Variants in PCDHGA2 observed in about 807,000 individuals in gnomAD.
PCDHGA2 encodes the protein protocadherin gamma-A2.
Under a neutral mutation model 59.2 loss-of-function variants are expected in PCDHGA2, and 40 were observed. The ratio of observed to expected loss-of-function variants is 0.68; its 90% CI spans 0.52 to 0.88. PCDHGA2 has a LOEUF of 0.88. PCDHGA2 is among the 40% of genes least tolerant of loss of function. PCDHGA2 has a pLI of 0.00. For synonymous variants in PCDHGA2, 560 were observed against 526.0 expected, an observed-to-expected ratio of 1.06 and a Z score of -0.89; for missense variants, 1,226 against 1,204.0, an observed-to-expected ratio of 1.02 and a Z score of -0.27.
intron 1 of PCDHGA2, among the ~76,000 whole-genome samples, chr5:141,472,445 C>T (rs2099280467): frequency 6.6e-6 from 1 of 151,956 alleles, no homozygotes; most frequent in Non-Finnish European, 1.5e-5. Flanking sequence ...GAGGCTGAGG[C>T]AGGAGAATCG....
At chr5:141,351,426 A>C (rs1195735664) in intron 1 of PCDHGA2, 2 of 1,611,328 alleles carry the variant, frequency 1.2e-6, no homozygotes, top group Admixed American at 3.4e-5. Context: ...GTTCCTTTCA[A>C]ATTAGAATCC....
chr5:141,371,913 G>C, intron 1 of PCDHGA2: 1 of 1,613,394 alleles, frequency 6.2e-7, no homozygotes, highest in African/African-American at 1.3e-5. Context: ...CTACGTGTCC[G>C]TGAGCGCGCG....
intron 1 of PCDHGA2, chr5:141,426,513 C>T (rs780618436): frequency 6.2e-5 from 21 of 341,148 alleles, no homozygotes; most frequent in Non-Finnish European, 1.1e-4. Context: ...AATACTTTAC[C>T]GTGAACACGG....
At chr5:141,365,057 A>T (rs1763709144) in intron 1 of PCDHGA2, 1 of 1,613,594 alleles carries the variant, frequency 6.2e-7, no homozygotes, top group Non-Finnish European at 8.5e-7. Context: ...GCCCCTGTTC[A>T]CCCCATCCGA....
chr5:141,383,098 A>T, intron 1 of PCDHGA2: 2 of 1,613,954 alleles, frequency 1.2e-6, no homozygotes, highest in Non-Finnish European at 1.7e-6. Context: ...AGTCCGCATC[A>T]TCTCCAGAGG....
chr5:141,505,259 C>A, intron 2 of PCDHGA2, 134 bp from the exon 3 acceptor site: 1 of 1,500,262 alleles, frequency 6.7e-7, no homozygotes, highest in Non-Finnish European at 8.9e-7. Context: ...GTGCCTCCTA[C>A]CTTGCTGAGA....
rs1022516458 is a variant in PCDHGA2, at chr5:141,476,612, A to G, written c.2425-18195A>G. The G allele has an allele frequency of 1.2e-6, 2 of 1,614,236 alleles. No individual in the cohort carries two copies. The highest frequency in any genetic ancestry group is 2.2e-5 in the South Asian group (2 of 91,080). ...GAGCGCGCACGATCCCGATGTGGGA[A>G]GCAACTCTTTACAAACCTATGAGCT... On this transcript the variant is annotated intron_variant, in intron 1 of 3. Transcript: ENST00000394576. The surrounding 1 kb of genome is among the most constrained non-coding windows in gnomAD (Gnocchi z 7.6).
chr5:141,480,224 T>G (rs2099514647), intron 1 of PCDHGA2, among the ~76,000 whole-genome samples: 1 of 146,584 alleles, frequency 6.8e-6, no homozygotes, highest in Non-Finnish European at 1.5e-5. Context: ...AGCGACATAG[T>G]GAGATCCTGT....
chr5:141,472,980 C>CAAAAAAAAAAAAAAAAAGAAAAAAAA (rs2099309731), intron 1 of PCDHGA2, among the ~76,000 whole-genome samples: 1 of 86,100 alleles, frequency 1.2e-5, no homozygotes, highest in African/African-American at 3.9e-5. Flanking sequence ...GAGTGAAACT[C>CAAAAAAAAAAAAAAAAAGAAAAAAAA]AAAAAAAAAA....
chr5:141,355,642 C>T lies in PCDHGA2; in HGVS notation c.2424+14247C>T, dbSNP rs559980851. The T allele has an allele frequency of 2.0e-5, 33 of 1,613,968 alleles. No homozygotes were observed. Among genetic ancestry groups the T allele is most frequent in the Middle Eastern group, 3.3e-4 (2 of 6,062 alleles). On this transcript the variant is annotated intron_variant, in intron 1 of 3. Transcript: ENST00000394576. Reference sequence around the variant, plus strand: ...AATAAAAGTTGCTGAAAATGAAAATCCTGGGGCAAGATTTCCTCTTCCTGA... The same window carrying T: ...AATAAAAGTTGCTGAAAATGAAAATTCTGGGGCAAGATTTCCTCTTCCTGA...
At chr5:141,400,064 G>A in intron 1 of PCDHGA2, 1 of 1,613,770 alleles carries the variant, frequency 6.2e-7, no homozygotes, top group Non-Finnish European at 8.5e-7. Context: ...CGTGATGGTG[G>A]ACAGCCGCCA....
intron 1 of PCDHGA2, chr5:141,422,796 T>C: frequency 6.2e-7 from 1 of 1,614,234 alleles, no homozygotes; most frequent in Middle Eastern, 1.6e-4. Flanking sequence ...CCTTCGACTA[T>C]GAGCAGTTTC....
At chr5:141,419,762 AAGGACTCG>A (rs1468964539) in intron 1 of PCDHGA2, 2 of 1,614,008 alleles carry the variant, frequency 1.2e-6, no homozygotes, top group South Asian at 2.2e-5. Context: ...TTTGGGTGAC[AAGGACTCG>A]GTCCGCCAGC....
Position 141,384,229 on chromosome 5 carries a change from G to A in PCDHGA2, c.2424+42834G>A, listed in dbSNP as rs571021830. The A allele has an allele frequency of 3.1e-6, 5 of 1,613,904 alleles. No individual in the cohort carries two copies. In the South Asian group the frequency reaches 5.5e-5, roughly 18 times the overall value. On this transcript the variant is annotated intron_variant, in intron 1 of 3. Transcript: ENST00000394576. The stretch of plus-strand genomic sequence containing the variant: ...AACTCACATATTCATGCAGGTGGCA[G>A]ACACCAACGATAACCCACCCACCTT...
At chr5:141,441,818 TG>T in intron 1 of PCDHGA2, 1 of 359,922 alleles carries the variant, frequency 2.8e-6, no homozygotes, top group Non-Finnish European at 5.5e-6. Flanking sequence ...ACCCCAGCTC[TG>T]GAGCGCAATG....
chr5:141,366,221 G>C lies in PCDHGA2; in HGVS notation c.2424+24826G>C, dbSNP rs774963460. 7 of 1,613,716 alleles carry C rather than the reference G, an allele frequency of 4.3e-6. No individual in the cohort carries two copies. The East Asian group carries it at 1.6e-4, about 36-fold the overall frequency. ...CACGGGCGAGGTGCGCACAGCGCGA[G>C]CCCTGCTGGACAGAGACGCGCTCAA... On this transcript the variant is annotated intron_variant, in intron 1 of 3. Coordinates refer to ENST00000394576, the MANE Select transcript of PCDHGA2 (RefSeq NM_018915.4).
At chr5:141,488,021 C>A (rs570700985) in intron 1 of PCDHGA2, among the ~76,000 whole-genome samples, 1 of 152,244 alleles carries the variant, frequency 6.6e-6, no homozygotes, top group East Asian at 1.9e-4. Flanking sequence ...TACCTTAACT[C>A]TAGGTTACCA....
chr5:141,490,363 C>A lies in PCDHGA2; in HGVS notation c.2425-4444C>A. The A allele has an allele frequency of 6.2e-7, 1 of 1,614,154 alleles. No individual in the cohort carries two copies. Among genetic ancestry groups the A allele is most frequent in the South Asian group, 1.1e-5 (1 of 91,078 alleles). On this transcript the variant is annotated intron_variant, in intron 1 of 3. Coordinates refer to ENST00000394576, the MANE Select transcript of PCDHGA2 (RefSeq NM_018915.4). The surrounding 1 kb of genome is among the most constrained non-coding windows in gnomAD (Gnocchi z 5.4). Reference sequence around the variant, plus strand: ...CACAGTAGTGGGGTTGTTTAATGTGCGAGACCGGGACTCAGGTAGAAATGG... The same window carrying A: ...CACAGTAGTGGGGTTGTTTAATGTGAGAGACCGGGACTCAGGTAGAAATGG...
chr5:141,418,810 A>G lies in PCDHGA2; in HGVS notation c.2425-75997A>G, dbSNP rs149866479. The G allele has an allele frequency of 4.9e-3, 7,975 of 1,613,892 alleles. 44 individuals carry two copies. Among genetic ancestry groups the G allele is most frequent in the Admixed American group, 9.4e-3 (567 of 60,018 alleles). On this transcript the variant is annotated intron_variant, in intron 1 of 3. Coordinates refer to ENST00000394576, the MANE Select transcript of PCDHGA2 (RefSeq NM_018915.4). ...TTGAAGAAGTAGAAAGATATACGAT[A>G]AACATAGAAGCAAAAGACCGAGGAT...
Sources: gnomAD v4.1 joint callset for allele counts (sites outside exome capture counted in the v4.1 genomes callset) on GRCh38, gnomAD v4.1.1 for gene constraint, Gnocchi (gnomAD v3.1) non-coding constraint, MANE v1.5 for transcripts, NCBI Gene and HGNC (gene_info 2026-07-23, HGNC 2026-07-21) for gene names.